Variants in KIF26B observed in about 807,000 individuals in gnomAD.
KIF26B encodes kinesin family member 26B.
A neutral mutation model predicts 151.2 loss-of-function variants in KIF26B; 63 were observed. The ratio of observed to expected loss-of-function variants is 0.42; its 90% CI spans 0.34 to 0.51. KIF26B has a LOEUF of 0.51. Among genes scored for constraint, KIF26B ranks in the 20% least tolerant of loss-of-function variants. The pLI is 0.07. For synonymous variants in KIF26B, 1,357 were observed against 1,262.1 expected (o/e 1.08, Z -1.59); for missense variants, 2,813 against 2,913.6 (o/e 0.97, Z 0.79).
At chr1:245,592,601 C>A (rs889758987) in intron 5 of KIF26B, among the ~76,000 whole-genome samples, 1 of 152,144 alleles carries the variant, frequency 6.6e-6, no homozygotes, top group African/African-American at 2.4e-5. Flanking sequence ...TTGGTCAACA[C>A]GGAGCAGTCG....
At chr1:245,499,199 C>T (rs184979734) in intron 4 of KIF26B, among the ~76,000 whole-genome samples, 11 of 152,118 alleles carry the variant, frequency 7.2e-5, no homozygotes, top group Admixed American at 2.6e-4. Context: ...ATGTCCTTAG[C>T]GTTGACTCAT....
chr1:245,686,734 G>T lies in KIF26B; in HGVS notation c.3751G>T (p.Val1251Phe). 6.2e-7 allele frequency: 1 copy of T among 1,613,624 alleles called. No individual in the cohort carries two copies. Among genetic ancestry groups the T allele is most frequent in the South Asian group, 1.1e-5 (1 of 91,046 alleles). The change falls in exon 12 of 15, where the codon GTC becomes TTC. Residue 1251 changes from valine (V) to phenylalanine (F), a missense_variant. Val to Phe is a conservative substitution (Grantham distance 50). Transcript: ENST00000407071. This position sits in a 1 kb window ranked among gnomAD's most constrained non-coding sequence, Gnocchi z 5.6. Reference sequence around the variant, plus strand: ...CTCCAGCACGGCCCCCGTCTCCGAGGTCAGCATCACACAGTTCTTGCCCCT... The same window carrying T: ...CTCCAGCACGGCCCCCGTCTCCGAGTTCAGCATCACACAGTTCTTGCCCCT... Reference protein sequence around the residue: ...CYSSTAPVSEVSITQFLPLPK... With the variant: ...CYSSTAPVSEFSITQFLPLPK...
intron 3 of KIF26B, among the ~76,000 whole-genome samples, chr1:245,394,696 T>C (rs1010792432): frequency 6.8e-6 from 1 of 147,088 alleles, no homozygotes; most frequent in Non-Finnish European, 1.5e-5. Context: ...TTCTTTTTTT[T>C]TTTTTTTTTT....
At position 245,706,953 on chromosome 1, in the gene KIF26B, T is replaced by A. The variant is rs2044849102; in HGVS notation, c.*4347T>A. 1 of 152,242 alleles carries A rather than the reference T, an allele frequency of 6.6e-6. No individual in the cohort carries two copies. Among genetic ancestry groups the A allele is most frequent in the Non-Finnish European group, 1.5e-5 (1 of 68,042 alleles). 9.4% of individuals were successfully genotyped at this position (152,242 alleles called of 1,614,324 possible). A position where few individuals can be genotyped will look rare whatever the true frequency, so the allele number is the denominator to read the frequency against. On this transcript the variant is annotated 3_prime_UTR_variant, in exon 15 of 15. Coordinates refer to ENST00000407071, the MANE Select transcript of KIF26B (RefSeq NM_018012.4). ...TACCTCTTTTTCCACCTCCAGAAAG[T>A]ATCTGTCAACATTGGTGGGTAACAG...
intron 10 of KIF26B, among the ~76,000 whole-genome samples, chr1:245,662,250 T>TAC (rs906125721): frequency 2.0e-5 from 3 of 149,424 alleles, no homozygotes; most frequent in African/African-American, 7.4e-5. Context: ...GATATATCTA[T>TAC]ACACACACAC....
chr1:245,341,623 G>A (rs773659106), intron 2 of KIF26B, among the ~76,000 whole-genome samples: 2 of 152,106 alleles, frequency 1.3e-5, no homozygotes, highest in Non-Finnish European at 2.9e-5. Context: ...GGCCCAGCAC[G>A]GTGCAGTCTT....
intron 5 of KIF26B, among the ~76,000 whole-genome samples, chr1:245,573,011 G>T (rs1278653474): frequency 6.6e-6 from 1 of 152,132 alleles, no homozygotes; most frequent in Admixed American, 6.5e-5. Flanking sequence ...CCCAGAACCT[G>T]AGGAAGAATA....
chr1:245,417,998 G>A (rs986096525), intron 3 of KIF26B, among the ~76,000 whole-genome samples: 2 of 152,080 alleles, frequency 1.3e-5, no homozygotes, highest in Admixed American at 6.5e-5. Context: ...AAAAGTTGTC[G>A]CATGAATTTG....
At chr1:245,530,045 C>T (rs1292906831) in intron 4 of KIF26B, among the ~76,000 whole-genome samples, 1 of 152,134 alleles carries the variant, frequency 6.6e-6, no homozygotes, top group African/African-American at 2.4e-5. Flanking sequence ...CGAAAGAAGA[C>T]ATACAAGTGG....
chr1:245,681,808 A>G (rs1271407190), intron 10 of KIF26B, among the ~76,000 whole-genome samples: 1 of 152,266 alleles, frequency 6.6e-6, no homozygotes, highest in Non-Finnish European at 1.5e-5. Context: ...ATTTTAAAGA[A>G]ATACCAAATA....
At chr1:245,694,546 G>A (rs755452798) in intron 12 of KIF26B, among the ~76,000 whole-genome samples, 3 of 152,190 alleles carry the variant, frequency 2.0e-5, no homozygotes, top group African/African-American at 4.8e-5. Context: ...CTGCAGACTC[G>A]TGTGGGGACT....
At chr1:245,376,131 A>G (rs1673267394) in intron 3 of KIF26B, among the ~76,000 whole-genome samples, 1 of 152,224 alleles carries the variant, frequency 6.6e-6, no homozygotes, top group Admixed American at 6.5e-5. Context: ...ACTGAATTTC[A>G]TGTAGAAGGA....
At chr1:245,434,973 GTCCATCCATCCATCCATCCA>G (rs371849206) in intron 4 of KIF26B, among the ~76,000 whole-genome samples, 3 of 135,752 alleles carry the variant, frequency 2.2e-5, no homozygotes, top group East Asian at 2.3e-4. Context: ...ATGCTCTTTT[GTCCATCCATCCATCCATCCA>G]TCCATCCATC....
At chr1:245,568,064 G>A (rs1341076120) in intron 5 of KIF26B, among the ~76,000 whole-genome samples, 1 of 151,830 alleles carries the variant, frequency 6.6e-6, no homozygotes, top group African/African-American at 2.4e-5. Context: ...AGCTACTCAG[G>A]AGGCTGAGGC....
Position 245,346,888 on chromosome 1 carries a change from T to G in KIF26B, c.466-19946T>G, listed in dbSNP as rs185688898. Among the ~76,000 whole-genome samples, 118 of 152,294 alleles carry G rather than the reference T, an allele frequency of 7.7e-4. 2 individuals carry two copies. The highest frequency in any genetic ancestry group is 2.8e-3 in the African/African-American group (115 of 41,566). Reference sequence around the variant, plus strand: ...ATCTTTTCCCCCTTTCTCACCTACCTCATGTCTTCATGTCTCTCATTGTCT... The same window carrying G: ...ATCTTTTCCCCCTTTCTCACCTACCGCATGTCTTCATGTCTCTCATTGTCT... On this transcript the variant is annotated intron_variant, in intron 2 of 14. Coordinates refer to ENST00000407071, the MANE Select transcript of KIF26B (RefSeq NM_018012.4).
At chr1:245,692,028 T>C (rs1291154748) in intron 12 of KIF26B, among the ~76,000 whole-genome samples, 1 of 152,194 alleles carries the variant, frequency 6.6e-6, no homozygotes, top group African/African-American at 2.4e-5. Flanking sequence ...AACGAGAAGA[T>C]TGATAGGTAA....
At chr1:245,294,504 C>T (rs942487578) in intron 2 of KIF26B, among the ~76,000 whole-genome samples, 13 of 152,056 alleles carry the variant, frequency 8.5e-5, no homozygotes, top group African/African-American at 3.1e-4. Context: ...ACAAGACTAC[C>T]CTTGAACAAT....
At chr1:245,195,843 G>C (rs1669182791) in intron 2 of KIF26B, among the ~76,000 whole-genome samples, 1 of 152,186 alleles carries the variant, frequency 6.6e-6, no homozygotes, top group Admixed American at 6.5e-5. Flanking sequence ...GTCAAAGCAG[G>C]GTGTGCTCGG....
At chr1:245,380,537 G>C (rs1249754605) in intron 3 of KIF26B, among the ~76,000 whole-genome samples, 2 of 152,186 alleles carry the variant, frequency 1.3e-5, no homozygotes, top group African/African-American at 2.4e-5. Context: ...AACAGACATG[G>C]TTGGAAGCAA....
Sources: gnomAD v4.1 joint callset for allele counts (sites outside exome capture counted in the v4.1 genomes callset) on GRCh38, gnomAD v4.1.1 for gene constraint, Gnocchi (gnomAD v3.1) non-coding constraint, MANE v1.5 for transcripts, NCBI Gene and HGNC (gene_info 2026-07-23, HGNC 2026-07-21) for gene names.